Variants in DMD observed in about 807,000 individuals in gnomAD.
DMD encodes dystrophin, also known as mutant dystrophin.
DMD carries 63 observed loss-of-function variants against 330.1 expected under a neutral mutation model. That is an observed-to-expected ratio of 0.19 (90% CI 0.16 to 0.24). The LOEUF (loss-of-function observed/expected upper bound fraction) is 0.24. DMD is among the 10% of genes least tolerant of loss of function. The pLI, the probability that DMD is intolerant of heterozygous loss-of-function variation, is 1.00. For synonymous variants in DMD, 1,223 were observed against 959.8 expected, an observed-to-expected ratio of 1.27 and a Z score of -5.07; for missense variants, 3,344 against 2,684.1, an observed-to-expected ratio of 1.25 and a Z score of -5.43.
intron 1 of DMD, among the ~76,000 whole-genome samples, chrX:33,070,227 G>A (rs913588247): frequency 1.8e-4 from 20 of 111,102 alleles, no homozygotes; most frequent in African/African-American, 6.2e-4. Flanking sequence ...ATTTTTTTAC[G>A]TAGTCACATG....
At chrX:33,016,178 T>TCC (rs1436534859) in intron 2 of DMD, among the ~76,000 whole-genome samples, 1 of 110,523 alleles carries the variant, frequency 9.0e-6, no homozygotes, top group African/African-American at 3.3e-5. Context: ...CTGAAGGAAC[T>TCC]CCCCCAAACT....
chrX:32,310,452 T>A (rs2097557875), intron 41 of DMD, among the ~76,000 whole-genome samples, 176 bp from the exon 42 acceptor site: 1 of 110,803 alleles, frequency 9.0e-6, no homozygotes, highest in Non-Finnish European at 1.9e-5. Flanking sequence ...ATTAATTATA[T>A]ACCTACTTTT....
intron 2 of DMD, among the ~76,000 whole-genome samples, chrX:32,971,351 A>G (rs1341579383): frequency 1.8e-5 from 2 of 111,927 alleles, no homozygotes; most frequent in Non-Finnish European, 3.8e-5. Flanking sequence ...GAAGTGTACA[A>G]CAAATGATTT....
At chrX:32,675,621 A>G (rs1409229180) in intron 9 of DMD, among the ~76,000 whole-genome samples, 3 of 111,483 alleles carry the variant, frequency 2.7e-5, no homozygotes, top group Admixed American at 9.6e-5. Context: ...TAGCTTCATA[A>G]AGCTCTATGT....
At chrX:33,064,703 A>G (rs576355259) in intron 1 of DMD, among the ~76,000 whole-genome samples, 1 of 110,980 alleles carries the variant, frequency 9.0e-6, no homozygotes, top group African/African-American at 3.3e-5. Context: ...AGTCTGGCCA[A>G]CATGGCAAAA....
intron 53 of DMD, among the ~76,000 whole-genome samples, chrX:31,672,252 C>CATA (rs2081847287): frequency 8.9e-6 from 1 of 112,130 alleles, no homozygotes; most frequent in Non-Finnish European, 1.9e-5. Context: ...CCATTATGGT[C>CATA]ATAAAATCTG....
At position 32,483,378 on chromosome X, in the gene DMD, T is replaced by A. The variant is rs1175280360; in HGVS notation, c.2803+1541A>T. ...AAGATGATAGGGATGGATGGATGGA[T>A]GGAGAGCTGTATGAATAGAGACTAT... On this transcript the variant is annotated intron_variant, in intron 21 of 78. Coordinates refer to ENST00000357033, the MANE Select transcript of DMD (RefSeq NM_004006.3). Among the ~76,000 whole-genome samples, 5 of 106,163 alleles carry A rather than the reference T, an allele frequency of 4.7e-5. No homozygotes were observed. In the East Asian group the frequency reaches 1.5e-3, roughly 32 times the overall value. The allele number at this position is 106,163 out of a possible 115,157, so 92.2% of individuals were successfully genotyped here. A position where few individuals can be genotyped will look rare whatever the true frequency, so the allele number is the denominator to read the frequency against.
At chrX:31,710,957 T>C (rs1390505347) in intron 52 of DMD, among the ~76,000 whole-genome samples, 1 of 111,156 alleles carries the variant, frequency 9.0e-6, no homozygotes, top group Non-Finnish European at 1.9e-5. Context: ...ATCCATGAGA[T>C]ACATAGCACT....
intron 45 of DMD, among the ~76,000 whole-genome samples, chrX:31,964,211 AT>A (rs1391791546): frequency 8.9e-6 from 1 of 111,798 alleles, no homozygotes; most frequent in Non-Finnish European, 1.9e-5. Flanking sequence ...GGGAAAAAAA[AT>A]AAAACAAATC....
chrX:31,237,644 T>G (rs1462045414), intron 63 of DMD, among the ~76,000 whole-genome samples: 1 of 112,592 alleles, frequency 8.9e-6, no homozygotes, highest in Non-Finnish European at 1.9e-5. Flanking sequence ...CGTTCCTGTT[T>G]ACCCTCTGTG....
Position 32,870,980 on chromosome X carries a change from A to AAAAAAAAAAAAAG in DMD, c.94-21161_94-21160insCTTTTTTTTTTTT, listed in dbSNP as rs770375159. Among the ~76,000 whole-genome samples the AAAAAAAAAAAAAG allele has an allele frequency of 1.3e-3, 50 of 37,228 alleles. 1 individual carries two copies. Among genetic ancestry groups the AAAAAAAAAAAAAG allele is most frequent in the African/African-American group, 2.0e-3 (21 of 10,607 alleles). 32.3% of individuals were successfully genotyped at this position (37,228 alleles called of 115,157 possible). A position where few individuals can be genotyped will look rare whatever the true frequency, so the allele number is the denominator to read the frequency against. Reference sequence around the variant, plus strand: ...CAGCAAAAAAAAAAAAAAAAAAAAAAAAAAAAAACCACAAAACCCATCATC... The same window carrying AAAAAAAAAAAAAG: ...CAGCAAAAAAAAAAAAAAAAAAAAAAAAAAAAAAAAAAGAAAAAAAACCACAAAACCCATCATC... On this transcript the variant is annotated intron_variant, in intron 2 of 78. Coordinates refer to ENST00000357033, the MANE Select transcript of DMD (RefSeq NM_004006.3).
intron 4 of DMD, among the ~76,000 whole-genome samples, chrX:32,835,104 C>T (rs2079499428): frequency 8.9e-6 from 1 of 111,803 alleles, no homozygotes; most frequent in Non-Finnish European, 1.9e-5. Context: ...ATAGAGAATA[C>T]TCACTGATTA....
chrX:32,356,395 A>AC (rs1337141115), intron 37 of DMD, among the ~76,000 whole-genome samples: 1 of 108,036 alleles, frequency 9.3e-6, no homozygotes, highest in African/African-American at 3.3e-5. Flanking sequence ...AAAAAAAAAA[A>AC]AAAAAAAAAA....
At chrX:32,791,479 T>C (rs1238775747) in intron 7 of DMD, among the ~76,000 whole-genome samples, 2 of 111,745 alleles carry the variant, frequency 1.8e-5, no homozygotes, top group East Asian at 5.7e-4. Flanking sequence ...CCGGCAAAAC[T>C]TCACCACAGC....
chrX:31,366,504 A>T (rs1366147175), intron 60 of DMD, among the ~76,000 whole-genome samples: 23 of 102,904 alleles, frequency 2.2e-4, no homozygotes, highest in African/African-American at 8.2e-4. Flanking sequence ...AAACATAAAA[A>T]AAAAAATAAA....
chrX:31,784,872 T>C (rs1420967924), intron 50 of DMD, among the ~76,000 whole-genome samples: 1 of 112,188 alleles, frequency 8.9e-6, no homozygotes, highest in Non-Finnish European at 1.9e-5. Flanking sequence ...ATTTTTGACA[T>C]GATATTTTCA....
chrX:33,107,313 C>A (rs914387210), intron 1 of DMD, among the ~76,000 whole-genome samples: 12 of 58,148 alleles, frequency 2.1e-4, no homozygotes, highest in African/African-American at 3.5e-4. Context: ...GCTCTGTCCC[C>A]CCCCCCCCCC....
intron 1 of DMD, among the ~76,000 whole-genome samples, chrX:33,116,301 G>A (rs962693879): frequency 9.0e-6 from 1 of 110,672 alleles, no homozygotes; most frequent in African/African-American, 3.3e-5. Context: ...ACCTGAGCTC[G>A]GGAGTTTGAG....
chrX:32,825,960 A>C (rs775038953), intron 4 of DMD, among the ~76,000 whole-genome samples: 9 of 74,373 alleles, frequency 1.2e-4, no homozygotes, highest in Admixed American at 9.6e-4. Context: ...CAACAACAGA[A>C]ATATACTTAA....
Sources: gnomAD v4.1 joint callset for allele counts (sites outside exome capture counted in the v4.1 genomes callset) on GRCh38, gnomAD v4.1.1 for gene constraint, MANE v1.5 for transcripts, NCBI Gene and HGNC (gene_info 2026-07-23, HGNC 2026-07-21) for gene names.